STOX2: variants seen among roughly 807,000 people sequenced by gnomAD.
STOX2 encodes storkhead-box protein 2.
Under a neutral mutation model 60.9 loss-of-function variants are expected in STOX2, and 28 were observed. That is an observed-to-expected ratio of 0.46 (90% CI 0.34 to 0.63). The LOEUF (loss-of-function observed/expected upper bound fraction) is 0.63, where lower values mean the gene tolerates loss of function less well. Among genes scored for constraint, STOX2 ranks in the 30% least tolerant of loss-of-function variants. STOX2 has a pLI of 0.01. For missense variants in STOX2, 1,024 were observed against 1,187.7 expected, an observed-to-expected ratio of 0.86 and a Z score of 2.03; for synonymous variants, 472 against 463.9, an observed-to-expected ratio of 1.02 and a Z score of -0.22.
At chr4:183,933,642 T>C (rs1468045817) in intron 1 of STOX2, among the ~76,000 whole-genome samples, 2 of 151,992 alleles carry the variant, frequency 1.3e-5, no homozygotes, top group Non-Finnish European at 2.9e-5. Flanking sequence ...ACCCGCCTCA[T>C]CCTCCCAAAG....
chr4:183,892,339 C>G (rs1034168901), intron 1 of STOX2, among the ~76,000 whole-genome samples: 1 of 152,148 alleles, frequency 6.6e-6, no homozygotes, highest in Non-Finnish European at 1.5e-5. Context: ...AGTGCAGTGG[C>G]GCGATCTCGG....
At position 183,856,664 on chromosome 4, in the gene STOX2, A is replaced by C. The variant is rs928711771; in HGVS notation, c.364+58609A>C. On this transcript the variant is annotated intron_variant, in intron 1 of 2. Coordinates refer to the STOX2 transcript ENST00000513034. This position sits in a 1 kb window ranked among gnomAD's most constrained non-coding sequence, Gnocchi z 4.0. Reference sequence around the variant, plus strand: ...TTGCAGTTAGCTGTCTCGGACTCGGACCCCGGGGGATGATAGCTCCCTTGC... The same window carrying C: ...TTGCAGTTAGCTGTCTCGGACTCGGCCCCCGGGGGATGATAGCTCCCTTGC... 1.3e-5 allele frequency among the ~76,000 whole-genome samples: 2 copies of C among 152,014 alleles called. No homozygotes were observed. Among genetic ancestry groups the C allele is most frequent in the Non-Finnish European group, 1.5e-5 (1 of 67,986 alleles).
At chr4:183,842,795 C>T (rs1739893033) in intron 1 of STOX2, among the ~76,000 whole-genome samples, 1 of 151,700 alleles carries the variant, frequency 6.6e-6, no homozygotes, top group Non-Finnish European at 1.5e-5. Context: ...CTGCAGTCAT[C>T]TCTCATAGAT....
At chr4:183,990,882 G>A (rs1023693801) in intron 1 of STOX2, among the ~76,000 whole-genome samples, 5 of 152,050 alleles carry the variant, frequency 3.3e-5, no homozygotes, top group Admixed American at 6.6e-5. Flanking sequence ...GGAGTATGCC[G>A]AATTCGGGAA....
intron 1 of STOX2, among the ~76,000 whole-genome samples, chr4:183,934,763 G>A (rs972674380): frequency 5.3e-5 from 8 of 152,114 alleles, no homozygotes; most frequent in Admixed American, 5.2e-4. Flanking sequence ...GAATCAATAT[G>A]CATCTTAATT....
intron 1 of STOX2, among the ~76,000 whole-genome samples, chr4:183,815,008 A>T (rs57478385): frequency 0.04 from 6,055 of 150,796 alleles, 297 homozygotes; most frequent in African/African-American, 0.1. Flanking sequence ...ATTTTATTTT[A>T]TTTTTTTTCA....
intron 1 of STOX2, among the ~76,000 whole-genome samples, chr4:183,976,739 C>A (rs1436766695): frequency 6.6e-6 from 1 of 152,182 alleles, no homozygotes; most frequent in Non-Finnish European, 1.5e-5. Flanking sequence ...CTGTAGCTAA[C>A]ATCATACTTG....
intron 1 of STOX2, among the ~76,000 whole-genome samples, chr4:183,837,615 C>T (rs1322566020): frequency 6.6e-6 from 1 of 152,030 alleles, no homozygotes; most frequent in Non-Finnish European, 1.5e-5. Flanking sequence ...TGCACCACCA[C>T]GCCTGGCTAA....
intron 1 of STOX2, among the ~76,000 whole-genome samples, chr4:183,967,818 C>A (rs1743623657): frequency 6.6e-6 from 1 of 152,112 alleles, no homozygotes; most frequent in Admixed American, 6.5e-5. Context: ...AACTTAGAAA[C>A]ATAAAATAAC....
intron 1 of STOX2, among the ~76,000 whole-genome samples, chr4:183,981,054 G>T (rs979659093): frequency 6.6e-6 from 1 of 152,148 alleles, no homozygotes; most frequent in Non-Finnish European, 1.5e-5. Context: ...AAACTAATTG[G>T]GAAATACCAT....
intron 1 of STOX2, among the ~76,000 whole-genome samples, chr4:183,830,324 G>A (rs1306606663): frequency 6.6e-6 from 1 of 152,190 alleles, no homozygotes; most frequent in African/African-American, 2.4e-5. Context: ...AGCACATGGG[G>A]TTTTTACACT....
intron 1 of STOX2, among the ~76,000 whole-genome samples, chr4:183,895,881 A>T (rs567779083): frequency 6.6e-6 from 1 of 152,324 alleles, no homozygotes; most frequent in South Asian, 2.1e-4. Flanking sequence ...CACTGTTGTT[A>T]TATAAACAGG....
At chr4:183,964,796 C>A (rs746210676) in intron 1 of STOX2, among the ~76,000 whole-genome samples, 3 of 152,136 alleles carry the variant, frequency 2.0e-5, no homozygotes, top group Non-Finnish European at 4.4e-5. Context: ...ATTGGCCAGG[C>A]TGGTCTCAAA....
upstream of STOX2, among the ~76,000 whole-genome samples, chr4:183,901,051 A>G (rs1269092275): frequency 6.6e-6 from 1 of 152,006 alleles, no homozygotes; most frequent in Non-Finnish European, 1.5e-5. Flanking sequence ...CAACAACTCA[A>G]ACAACAACCC....
chr4:183,924,264 G>A (rs2111105711), intron 1 of STOX2, among the ~76,000 whole-genome samples: 1 of 152,254 alleles, frequency 6.6e-6, no homozygotes, highest in East Asian at 1.9e-4. Flanking sequence ...TGCCTTGAAG[G>A]CCCCCACAGT....
At position 184,011,464 on chromosome 4, in the gene STOX2, G is replaced by A. The variant is rs753362809; in HGVS notation, c.2585+41G>A. ...TCTGTGCACACACATGCGCCTAGCG[G>A]GGCCTGGGGCTTTATGCACGTAACT... On this transcript the variant is annotated intron_variant, in intron 3 of 3. Coordinates refer to ENST00000308497, the MANE Select transcript of STOX2 (RefSeq NM_020225.3). The surrounding 1 kb of genome is among the most constrained non-coding windows in gnomAD (Gnocchi z 4.4). 6.3e-7 allele frequency: 1 copy of A among 1,589,516 alleles called. No homozygotes were observed. Among genetic ancestry groups the A allele is most frequent in the East Asian group, 2.2e-5 (1 of 44,708 alleles).
At chr4:183,927,950 C>T (rs2111110151) in intron 1 of STOX2, among the ~76,000 whole-genome samples, 1 of 152,300 alleles carries the variant, frequency 6.6e-6, no homozygotes, top group African/African-American at 2.4e-5. Flanking sequence ...CTCTGCGCCC[C>T]TCCTTGCTGT....
chr4:183,972,638 G>A (rs145460683), intron 1 of STOX2, among the ~76,000 whole-genome samples: 5 of 152,296 alleles, frequency 3.3e-5, no homozygotes, highest in Non-Finnish European at 7.4e-5. Flanking sequence ...TTTGGAAATC[G>A]CAGCCTGAAC....
chr4:183,809,907 A>C (rs1333835876), intron 1 of STOX2, among the ~76,000 whole-genome samples: 1 of 152,232 alleles, frequency 6.6e-6, no homozygotes, highest in Non-Finnish European at 1.5e-5. Flanking sequence ...ATACTTTTTA[A>C]AAGTTGAATT....
Sources: allele counts gnomAD v4.1 joint callset (sites outside exome capture counted in the v4.1 genomes callset), GRCh38; gene constraint gnomAD v4.1.1; non-coding constraint Gnocchi (gnomAD v3.1); transcripts MANE v1.5; gene names NCBI Gene and HGNC (gene_info 2026-07-23, HGNC 2026-07-21).